GPHN: variants seen among roughly 807,000 people sequenced by gnomAD.
The protein encoded by GPHN is gephyrin.
In GPHN, 17 loss-of-function variants were observed where a neutral mutation model predicts 95.5. The ratio of observed to expected loss-of-function variants is 0.18; its 90% CI spans 0.12 to 0.27. The LOEUF (loss-of-function observed/expected upper bound fraction) is 0.27. Among genes scored for constraint, GPHN ranks in the 10% least tolerant of loss-of-function variants. GPHN has a pLI of 1.00. For synonymous variants in GPHN, 320 were observed against 322.5 expected (o/e 0.99, Z 0.08); for missense variants, 660 against 978.1 (o/e 0.67, Z 4.34).
the GPHN span, among the ~76,000 whole-genome samples, chr14:67,339,423 C>G: frequency 6.6e-5 from 10 of 152,138 alleles, no homozygotes; most frequent in African/African-American, 2.2e-4. Context: ...AGAAACTAAC[C>G]TTTGATAATT....
the GPHN span, chr14:67,674,315 A>G: frequency 2.1e-6 from 3 of 1,429,318 alleles, no homozygotes; most frequent in African/African-American, 1.5e-5. Context: ...AGGTGGGAGA[A>G]TCTTCCTTCC....
the GPHN span, among the ~76,000 whole-genome samples, chr14:67,442,237 C>A: frequency 6.6e-6 from 1 of 152,090 alleles, no homozygotes; most frequent in Non-Finnish European, 1.5e-5. Context: ...CTGCAGCACC[C>A]CATCCTTGAG....
chr14:67,247,414 T>G, the GPHN span, among the ~76,000 whole-genome samples: 26 of 152,154 alleles, frequency 1.7e-4, no homozygotes, highest in Middle Eastern at 3.2e-3. Flanking sequence ...CTTTTTTATT[T>G]TAGTAATTTT....
chr14:67,447,487 GA>G, the GPHN span: 3 of 152,332 alleles, frequency 2.0e-5, no homozygotes, highest in Admixed American at 2.0e-4. Flanking sequence ...ATAGCATTAT[GA>G]TAGTAAGACA....
At chr14:66,673,319 C>T (rs2153385992) in intron 1 of GPHN, among the ~76,000 whole-genome samples, 1 of 152,184 alleles carries the variant, frequency 6.6e-6, no homozygotes, top group East Asian at 1.9e-4. Flanking sequence ...GTCTTGATCT[C>T]CTGACCTCAT....
Position 66,954,622 on chromosome 14 carries a change from TC to T in GPHN, c.829-10568del, listed in dbSNP as rs201347131. Among the ~76,000 whole-genome samples, 257 of 152,344 alleles carry T rather than the reference TC, an allele frequency of 1.7e-3. 7 individuals carry two copies. In the East Asian group the frequency reaches 0.045, roughly 27 times the overall value. ...CAATTTGAAGCCTTTTATTTCTATT[TC>T]TTGCCGAATTTCCCTGGCTAGAACT... On this transcript the variant is annotated intron_variant, in intron 8 of 22. Transcript: ENST00000478722.
At chr14:67,349,208 C>T in the GPHN span, 9 of 1,093,614 alleles carry the variant, frequency 8.2e-6, no homozygotes, top group South Asian at 2.9e-5. Context: ...AGTGAGATGT[C>T]ACAATTAAGT....
intron 12 of GPHN, 62 bp from the exon 13 acceptor site, chr14:67,100,794 G>T (rs2077658160): frequency 1.9e-6 from 2 of 1,065,574 alleles, no homozygotes; most frequent in Non-Finnish European, 2.9e-6. Context: ...CCAATTTTAG[G>T]TTCTTGTTCC....
chr14:66,732,975 G>T (rs1203452994), intron 2 of GPHN, among the ~76,000 whole-genome samples: 1 of 152,108 alleles, frequency 6.6e-6, no homozygotes, highest in Admixed American at 6.6e-5. Flanking sequence ...ATGAGATTTG[G>T]GTGAGGCCAG....
At chr14:67,458,579 T>G in the GPHN span, among the ~76,000 whole-genome samples, 1 of 152,102 alleles carries the variant, frequency 6.6e-6, no homozygotes, top group African/African-American at 2.4e-5. Context: ...GTTGTTCCCA[T>G]TTGAAGGGCG....
At chr14:67,506,733 C>A in the GPHN span, among the ~76,000 whole-genome samples, 1 of 152,164 alleles carries the variant, frequency 6.6e-6, no homozygotes, top group South Asian at 2.1e-4. Flanking sequence ...TGCCTGTAAT[C>A]CCAACACTTT....
chr14:67,499,371 T>C, the GPHN span, among the ~76,000 whole-genome samples: 1 of 152,200 alleles, frequency 6.6e-6, no homozygotes, highest in Non-Finnish European at 1.5e-5. Context: ...TTAAGAAAAC[T>C]ATTCAGTTTG....
chr14:67,234,366 G>C, the GPHN span, among the ~76,000 whole-genome samples: 74 of 152,288 alleles, frequency 4.9e-4, 3 homozygotes, highest in East Asian at 0.014. Flanking sequence ...AGTAAGAATG[G>C]TGTTTCAGAA....
intron 2 of GPHN, among the ~76,000 whole-genome samples, chr14:66,768,784 C>T (rs2059055592): frequency 6.6e-6 from 1 of 151,760 alleles, no homozygotes; most frequent in Non-Finnish European, 1.5e-5. Context: ...AATAGGTACT[C>T]AGTAAAGGTA....
At chr14:66,875,503 A>G (rs1456519243) in intron 4 of GPHN, among the ~76,000 whole-genome samples, 2 of 152,232 alleles carry the variant, frequency 1.3e-5, no homozygotes, top group South Asian at 4.1e-4. Flanking sequence ...TGCTGTATTC[A>G]GGAGACTGAT....
At chr14:66,919,538 C>A (rs2066093504) in intron 6 of GPHN, among the ~76,000 whole-genome samples, 1 of 152,176 alleles carries the variant, frequency 6.6e-6, no homozygotes, top group African/African-American at 2.4e-5. Flanking sequence ...TACTCTCCCT[C>A]CCCATAAATT....
chr14:66,761,785 C>A (rs2319497), intron 2 of GPHN, among the ~76,000 whole-genome samples: 2 of 151,578 alleles, frequency 1.3e-5, no homozygotes, highest in African/African-American at 4.9e-5. Context: ...TTAGCCTCCC[C>A]AGTAGCTGGG....
chr14:67,306,054 C>T, the GPHN span, among the ~76,000 whole-genome samples: 1 of 152,168 alleles, frequency 6.6e-6, no homozygotes, highest in African/African-American at 2.4e-5. Context: ...ACTGCAACCT[C>T]CGCCTCCCAG....
the GPHN span, among the ~76,000 whole-genome samples, chr14:67,219,144 C>T: frequency 1.3e-5 from 2 of 152,104 alleles, no homozygotes; most frequent in South Asian, 2.1e-4. Flanking sequence ...TAACCTGGGG[C>T]AATGCAGCTG....
Sources: allele counts gnomAD v4.1 joint callset (sites outside exome capture counted in the v4.1 genomes callset), GRCh38; gene constraint gnomAD v4.1.1; transcripts MANE v1.5; gene names NCBI Gene and HGNC (gene_info 2026-07-23, HGNC 2026-07-21).